Variants in ASAP1 observed in about 807,000 individuals in gnomAD.
The protein encoded by ASAP1 is ArfGAP with SH3 domain, ankyrin repeat and PH domain 1.
In ASAP1, 43 loss-of-function variants were observed where a neutral mutation model predicts 145.2. The observed-to-expected ratio is 0.30, with a 90% CI of 0.23 to 0.38. The LOEUF is 0.38. ASAP1 is among the 10% of genes least tolerant of loss of function. The pLI, the probability that ASAP1 is intolerant of heterozygous loss-of-function variation, is 1.00. For synonymous variants in ASAP1, 546 were observed against 515.5 expected (o/e 1.06, Z -0.80); for missense variants, 1,018 against 1,355.3 (o/e 0.75, Z 3.91).
At chr8:130,105,147 G>A (rs910199435) in intron 24 of ASAP1, among the ~76,000 whole-genome samples, 1 of 152,082 alleles carries the variant, frequency 6.6e-6, no homozygotes, top group Admixed American at 6.6e-5. Context: ...TTCTGCATCT[G>A]CAGGTTCAAC....
intron 13 of ASAP1, among the ~76,000 whole-genome samples, chr8:130,141,412 A>G (rs1402505313): frequency 6.6e-6 from 1 of 152,002 alleles, no homozygotes; most frequent in African/African-American, 2.4e-5. Context: ...CTCCCTGCAG[A>G]ACTCTCATCA....
At position 130,173,384 on chromosome 8, in the gene ASAP1, C is replaced by T. The variant is rs6991291; in HGVS notation, c.747-4317G>A. Among the ~76,000 whole-genome samples, 1,198 of 152,276 alleles carry T rather than the reference C, an allele frequency of 7.9e-3. 16 individuals are homozygous for T. The highest frequency in any genetic ancestry group is 0.028 in the African/African-American group (1,147 of 41,544). ...GGACAGGGTAGACAGAGAGCCACCACGACCTGCCAAAACATTTCACAGAGG... is the reference window on the plus strand; with the variant it reads ...GGACAGGGTAGACAGAGAGCCACCATGACCTGCCAAAACATTTCACAGAGG... On this transcript the variant is annotated intron_variant, in intron 9 of 29. Transcript: ENST00000518721.
At position 130,100,034 on chromosome 8, in the gene ASAP1, T is replaced by C. The variant is rs145545584; in HGVS notation, c.2402-7891A>G. 6.4e-3 allele frequency among the ~76,000 whole-genome samples: 977 copies of C among 152,278 alleles called. 13 individuals carry two copies. The highest frequency in any genetic ancestry group is 0.023 in the African/African-American group (942 of 41,544). On this transcript the variant is annotated intron_variant, in intron 24 of 29. Transcript: ENST00000518721. ...TTTGCACTGGATAAATACCCAGTAGTAGAATTGCTCAGTGGTATGACAGTG... is the reference window on the plus strand; with the variant it reads ...TTTGCACTGGATAAATACCCAGTAGCAGAATTGCTCAGTGGTATGACAGTG...
At chr8:130,108,443 T>A (rs1592818324) in intron 24 of ASAP1, among the ~76,000 whole-genome samples, 1 of 152,190 alleles carries the variant, frequency 6.6e-6, no homozygotes. Flanking sequence ...ACTTAACACA[T>A]CCTATCTTTG....
chr8:130,121,718 A>G (rs2097566265), intron 18 of ASAP1, among the ~76,000 whole-genome samples: 1 of 126,232 alleles, frequency 7.9e-6, no homozygotes, highest in Admixed American at 1.0e-4. Context: ...CGGGAGGTGG[A>G]GGTTGCAGTG....
At position 130,186,147 on chromosome 8, in the gene ASAP1, C is replaced by T. The variant is rs185545992; in HGVS notation, c.530+1089G>A. On this transcript the variant is annotated intron_variant, in intron 7 of 29. Coordinates refer to ENST00000518721, the MANE Select transcript of ASAP1 (RefSeq NM_018482.4). ...CAGTACTTCGCTTACAAGTTGAGTA[C>T]TCATGACCCACTTTTCATACAGAAA... Among the ~76,000 whole-genome samples, 244 of 152,206 alleles carry T rather than the reference C, an allele frequency of 1.6e-3. 1 individual carries two copies. The highest frequency in any genetic ancestry group is 9.4e-4 in the Non-Finnish European group (64 of 68,006).
chr8:130,433,679 C>T (rs1830213036), intron 1 of ASAP1, among the ~76,000 whole-genome samples: 1 of 152,230 alleles, frequency 6.6e-6, no homozygotes, highest in Non-Finnish European at 1.5e-5. Flanking sequence ...AGTGAATTCA[C>T]TCTTTCATGC....
At chr8:130,114,599 C>T (rs1158860519) in intron 23 of ASAP1, among the ~76,000 whole-genome samples, 3 of 152,048 alleles carry the variant, frequency 2.0e-5, no homozygotes, top group African/African-American at 7.2e-5. Flanking sequence ...CGTATTATGA[C>T]ATCTATGGCA....
chr8:130,160,283 C>T (rs2097666316), intron 11 of ASAP1, among the ~76,000 whole-genome samples: 1 of 152,148 alleles, frequency 6.6e-6, no homozygotes, highest in African/African-American at 2.4e-5. Flanking sequence ...CCAGTTTACA[C>T]TAGCGGCAGA....
intron 26 of ASAP1, 22 bp from the exon 27 acceptor site, chr8:130,076,428 T>C: frequency 6.3e-7 from 1 of 1,578,074 alleles, no homozygotes; most frequent in African/African-American, 1.3e-5. Flanking sequence ...ATAAGAATCA[T>C]TTAGGATCTA....
intron 24 of ASAP1, among the ~76,000 whole-genome samples, chr8:130,111,047 T>C (rs955918159): frequency 3.3e-5 from 5 of 151,834 alleles, no homozygotes; most frequent in Admixed American, 6.6e-5. Context: ...GTGAGACATT[T>C]GACAACTCAC....
chr8:130,244,920 G>A (rs1162715214), intron 3 of ASAP1, among the ~76,000 whole-genome samples: 1 of 152,122 alleles, frequency 6.6e-6, no homozygotes, highest in Non-Finnish European at 1.5e-5. Context: ...GACAAGTTGA[G>A]GCAGAGAGAA....
At chr8:130,357,898 C>T (rs1826432649) in intron 3 of ASAP1, 119 bp downstream of exon 3, 1 of 1,395,226 alleles carries the variant, frequency 7.2e-7, no homozygotes, top group South Asian at 1.3e-5. Context: ...CGGCGGCTCC[C>T]TGAGGGGGTG....
At chr8:130,082,394 T>TG (rs2097482578) in intron 25 of ASAP1, among the ~76,000 whole-genome samples, 1 of 152,012 alleles carries the variant, frequency 6.6e-6, no homozygotes, top group Admixed American at 6.6e-5. Flanking sequence ...TTTTTCAAGA[T>TG]GGGGTCTAAG....
intron 4 of ASAP1, among the ~76,000 whole-genome samples, chr8:130,230,413 G>C (rs1054347577): frequency 2.0e-5 from 3 of 152,036 alleles, no homozygotes; most frequent in African/African-American, 7.2e-5. Flanking sequence ...AAGAGACACT[G>C]ATTTTTAAAC....
At chr8:130,055,881 C>T (rs1414817945) in intron 29 of ASAP1, among the ~76,000 whole-genome samples, 1 of 152,232 alleles carries the variant, frequency 6.6e-6, no homozygotes, top group Non-Finnish European at 1.5e-5. Context: ...CGCGTGTGGT[C>T]TTAGTTGGCA....
At chr8:130,236,460 A>ATATC (rs1189566970) in intron 4 of ASAP1, among the ~76,000 whole-genome samples, 11 of 152,110 alleles carry the variant, frequency 7.2e-5, no homozygotes, top group African/African-American at 2.7e-4. Flanking sequence ...AAAAGATGAT[A>ATATC]GTTCACAGGT....
chr8:130,082,714 A>ATTTTTTTTT (rs10678353), intron 25 of ASAP1: 2 of 80,824 alleles, frequency 2.5e-5, no homozygotes, highest in African/African-American at 4.6e-5. Flanking sequence ...CTCATTACTA[A>ATTTTTTTTT]TTTTTTTTTT....
chr8:130,173,849 G>C (rs1586513421), intron 9 of ASAP1, among the ~76,000 whole-genome samples: 1 of 151,520 alleles, frequency 6.6e-6, no homozygotes, highest in Non-Finnish European at 1.5e-5. Flanking sequence ...GAGATGGGTA[G>C]ATTGCCTGAG....
Sources: gnomAD v4.1 joint callset for allele counts (sites outside exome capture counted in the v4.1 genomes callset) on GRCh38, gnomAD v4.1.1 for gene constraint, MANE v1.5 for transcripts, NCBI Gene and HGNC (gene_info 2026-07-23, HGNC 2026-07-21) for gene names.